COL27A1: variants seen among roughly 807,000 people sequenced by gnomAD.
COL27A1 encodes collagen alpha-1(XXVII) chain.
In COL27A1, 106 loss-of-function variants were observed where a neutral mutation model predicts 251.3. The ratio of observed to expected loss-of-function variants is 0.42; its 90% confidence interval spans 0.36 to 0.50. The LOEUF is 0.50. Ranked by LOEUF, COL27A1 falls within the 20% of genes least tolerant of loss-of-function variation. The pLI is 0.00. For synonymous variants in COL27A1, 1,000 were observed against 986.3 expected (o/e 1.01, Z -0.26); for missense variants, 2,325 against 2,522.8 (o/e 0.92, Z 1.68).
intron 4 of COL27A1, among the ~76,000 whole-genome samples, chr9:114,180,838 G>C (rs1039904797): frequency 6.6e-6 from 1 of 152,196 alleles, no homozygotes; most frequent in African/African-American, 2.4e-5. Flanking sequence ...TTGGGGACGG[G>C]GGGGCAGGGA....
At chr9:114,296,168 C>T (rs545265059) in intron 49 of COL27A1, among the ~76,000 whole-genome samples, 5 of 152,188 alleles carry the variant, frequency 3.3e-5, no homozygotes, top group African/African-American at 9.6e-5. Flanking sequence ...AGATATGGTA[C>T]CAAAAGCATG....
chr9:114,269,167 G>A, intron 34 of COL27A1, 74 bp from the exon 35 acceptor site: 5 of 1,037,568 alleles, frequency 4.8e-6, no homozygotes, highest in Non-Finnish European at 5.6e-6. Flanking sequence ...CAGAGCTGGT[G>A]GAAACAGGAA....
intron 21 of COL27A1, among the ~76,000 whole-genome samples, chr9:114,240,737 G>A (rs1359519258): frequency 1.3e-5 from 2 of 152,174 alleles, no homozygotes; most frequent in Non-Finnish European, 2.9e-5. Context: ...CTGCACCCTC[G>A]TCACCCTGGG....
intron 1 of COL27A1, among the ~76,000 whole-genome samples, chr9:114,160,964 C>T (rs890964494): frequency 5.3e-5 from 8 of 152,178 alleles, no homozygotes; most frequent in Admixed American, 2.0e-4. Context: ...AGTGCTATTT[C>T]AGCTGGTTTA....
chr9:114,168,127 T>G lies in COL27A1; in HGVS notation c.572T>G (p.Leu191Arg). 1 of 1,612,972 alleles carries G rather than the reference T, an allele frequency of 6.2e-7. No homozygotes were observed. The highest frequency in any genetic ancestry group is 1.1e-5 in the South Asian group (1 of 91,088). The change falls in exon 3 of 61, where the codon CTC becomes CGC. Residue 191 changes from leucine (L) to arginine (R), a missense_variant. Leu to Arg is a moderately radical substitution (Grantham distance 102, BLOSUM62 -2). This residue lies in a region of COL27A1 where 1,183 missense variants were observed against 1,144.1 expected (regional missense o/e 1.03). Coordinates refer to ENST00000356083, the MANE Select transcript of COL27A1 (RefSeq NM_032888.4). ...CTGCCTTTCCACAGGGACCCTGCACTCGACCCTGGGGGCTCCTTCCTCTTT... is the reference window on the plus strand; with the variant it reads ...CTGCCTTTCCACAGGGACCCTGCACGCGACCCTGGGGGCTCCTTCCTCTTT... ...VLLPFHRDPALDPGGSFLFGK... is the reference protein window; with the variant it reads ...VLLPFHRDPARDPGGSFLFGK...
At chr9:114,166,398 C>CCATCCATCCATCCGTCCATCCAT (rs1347413059) in intron 2 of COL27A1, among the ~76,000 whole-genome samples, 1 of 144,504 alleles carries the variant, frequency 6.9e-6, no homozygotes. Flanking sequence ...CATCCATCCA[C>CCATCCATCCATCCGTCCATCCAT]CCACCCACCT....
intron 19 of COL27A1, 81 bp from the exon 20 acceptor site, chr9:114,240,139 G>A (rs1333516954): frequency 1.4e-5 from 18 of 1,273,880 alleles, no homozygotes; most frequent in African/African-American, 5.8e-5. Context: ...TGGAAACCCG[G>A]TCAGTCTCCC....
At chr9:114,199,327 G>C (rs1829413222) in intron 7 of COL27A1, among the ~76,000 whole-genome samples, 1 of 152,144 alleles carries the variant, frequency 6.6e-6, no homozygotes, top group African/African-American at 2.4e-5. Context: ...GCACGAGATA[G>C]CCCTTCCCTC....
rs370350418 is a variant in COL27A1 at position 114,265,022 on chromosome 9, G to A, written c.3295-44G>A. 7.4e-6 allele frequency: 12 copies of A among 1,613,038 alleles called. No individual in the cohort carries two copies. In the African/African-American group the frequency reaches 1.3e-4, roughly 18 times the overall value. On this transcript the variant is annotated intron_variant, in intron 30 of 60. Coordinates refer to ENST00000356083, the MANE Select transcript of COL27A1 (RefSeq NM_032888.4). Reference sequence around the variant, plus strand: ...GCTGCAGGCCCCCTCCCTGCTCCGTGCTTTGTGATCTGAGCCTGTAATGAC... The same window carrying A: ...GCTGCAGGCCCCCTCCCTGCTCCGTACTTTGTGATCTGAGCCTGTAATGAC...
chr9:114,241,029 T>G (rs1206608515), intron 21 of COL27A1, among the ~76,000 whole-genome samples: 2 of 152,236 alleles, frequency 1.3e-5, no homozygotes, highest in Non-Finnish European at 2.9e-5. Context: ...GGGAGTGGCC[T>G]AGGGGCACCT....
At chr9:114,288,833 C>A in intron 43 of COL27A1, 78 bp downstream of exon 43, 1 of 1,604,920 alleles carries the variant, frequency 6.2e-7, no homozygotes, top group Non-Finnish European at 8.5e-7. Context: ...CTAGAAAGAA[C>A]AAGAACTTCC....
intron 6 of COL27A1, among the ~76,000 whole-genome samples, chr9:114,194,878 G>A (rs1428205402): frequency 6.6e-6 from 1 of 152,172 alleles, no homozygotes; most frequent in African/African-American, 2.4e-5. Flanking sequence ...CCAGCAGACG[G>A]GTCTGTGGAT....
In COL27A1 at chr9:114,301,124, C is replaced by T. The variant is rs767818352; in HGVS notation, c.4754C>T (p.Pro1585Leu). The change falls in exon 52 of 61, where the codon CCG becomes CTG. Residue 1585 changes from proline to leucine, a missense_variant and splice_region_variant. Pro to Leu is a moderately conservative substitution (Grantham distance 98, BLOSUM62 -3). Coordinates refer to ENST00000356083, the MANE Select transcript of COL27A1 (RefSeq NM_032888.4). ...GGAATCCTGGGACCTTCGGGACTCC[C>T]GGTATGTGTGGGGATTGGACAGGAA... is the stretch of plus-strand genomic sequence containing the variant. ...PLGILGPSGL[P>L]GPKGDKGSRG... The T allele has an allele frequency of 1.2e-5, 20 of 1,613,460 alleles. No individual in the cohort carries two copies. Among genetic ancestry groups the T allele is most frequent in the African/African-American group, 4.0e-5 (3 of 74,924 alleles).
At chr9:114,187,586 T>C (rs776460419) in intron 5 of COL27A1, among the ~76,000 whole-genome samples, 10 of 152,278 alleles carry the variant, frequency 6.6e-5, no homozygotes, top group Non-Finnish European at 1.2e-4. Context: ...GGTGTCAATC[T>C]AGCCCTCAGC....
Position 114,310,605 on chromosome 9 carries a change from A to G in COL27A1, c.5493A>G (p.Gln1831=), listed in dbSNP as rs1829380057. The G allele has an allele frequency of 1.2e-6, 2 of 1,614,136 alleles. No homozygotes were observed. Among genetic ancestry groups the G allele is most frequent in the South Asian group, 1.1e-5 (1 of 91,084 alleles). The change falls in exon 61 of 61, where the codon CAA becomes CAG. Residue 1831 remains glutamine (Q), a synonymous_variant. Coordinates refer to ENST00000356083, the MANE Select transcript of COL27A1 (RefSeq NM_032888.4). ...TCACCTTCCGGACCCAAGACCCCCA[A>G]CAGCTGCCCATCATCAGTGTGGACA... ...TLFTFRTQDP[Q]QLPIISVDNL... is the part of the protein sequence containing the mutation.
intron 34 of COL27A1, among the ~76,000 whole-genome samples, chr9:114,268,106 T>C (rs1309852400): frequency 6.6e-6 from 1 of 152,234 alleles, no homozygotes; most frequent in Non-Finnish European, 1.5e-5. Flanking sequence ...GGCCGGGGGC[T>C]GCCAGACTTG....
rs539499556 is a variant in COL27A1 at position 114,229,713 on chromosome 9, C to T, written c.2467-1366C>T. On this transcript the variant is annotated intron_variant, in intron 14 of 60. Coordinates refer to ENST00000356083, the MANE Select transcript of COL27A1 (RefSeq NM_032888.4). ...AGAGAGGAGGGTATTTTCAGGGTCT[C>T]CCTTTCTCTGAGTGCAGACTTAATG... Among the ~76,000 whole-genome samples the T allele has an allele frequency of 8.5e-5, 13 of 152,312 alleles. No individual in the cohort carries two copies. The South Asian group carries it at 2.5e-3, about 29-fold the overall frequency.
chr9:114,174,212 C>T (rs1588584420), intron 3 of COL27A1, among the ~76,000 whole-genome samples: 1 of 152,208 alleles, frequency 6.6e-6, no homozygotes, highest in African/African-American at 2.4e-5. Flanking sequence ...CTCCTGACCT[C>T]CAGGCAGGGC....
chr9:114,194,714 C>T (rs1828985709), intron 6 of COL27A1, among the ~76,000 whole-genome samples: 1 of 152,234 alleles, frequency 6.6e-6, no homozygotes, highest in Non-Finnish European at 1.5e-5. Flanking sequence ...AAGATTTCTC[C>T]TATGGACACA....
Sources: allele counts gnomAD v4.1 joint callset (sites outside exome capture counted in the v4.1 genomes callset), GRCh38; gene constraint gnomAD v4.1.1; regional missense constraint gnomAD v4.1.1; transcripts MANE v1.5; gene names NCBI Gene and HGNC (gene_info 2026-07-23, HGNC 2026-07-21).